ADAMTS18: variants seen among roughly 807,000 people sequenced by gnomAD.
ADAMTS18 encodes the protein A disintegrin and metalloproteinase with thrombospondin motifs 18.
Under a neutral mutation model 165.9 loss-of-function variants are expected in ADAMTS18, and 157 were observed. The ratio of observed to expected loss-of-function variants is 0.95; its 90% confidence interval spans 0.83 to 1.08. The LOEUF is 1.08. Ranked by LOEUF, ADAMTS18 falls within the 50% of genes least tolerant of loss-of-function variation. The probability of loss-of-function intolerance (pLI) is 0.00; values close to 1 mark genes in which losing one functional copy is unlikely to be tolerated. For synonymous variants in ADAMTS18, 782 were observed against 578.2 expected (o/e 1.35, Z -5.06); for missense variants, 2,040 against 1,534.0 (o/e 1.33, Z -5.51).
Position 77,295,043 on chromosome 16 carries a change from C to CT in ADAMTS18, c.2885dup (p.Pro963AlafsTer53), listed in dbSNP as rs1362340352. 1 of 1,614,198 alleles carries CT rather than the reference C, an allele frequency of 6.2e-7. No individual in the cohort carries two copies. Among genetic ancestry groups the CT allele is most frequent in the East Asian group, 2.2e-5 (1 of 44,868 alleles). ...ACACTGCTTCCTCCTTTTGGAAGGG[C>CT]TTCTTTTGCACACACTGGATCTTTC... is the stretch of plus-strand genomic sequence containing the variant. On this transcript the variant is annotated frameshift_variant, in exon 19 of 23. Transcript: ENST00000282849. LOFTEE classifies it high-confidence loss of function.
rs201737996 is a variant in ADAMTS18 at position 77,319,973 on chromosome 16, C to A, written c.2408G>T (p.Gly803Val). ...CTCCCCAGGCCAGTCGATGCTCCAG[C>A]CCCCGGTGAGGTAATACTTTTGACT... ...SLSQKYYLTG[G>V]WSIDWPGEFP... Residue 803 changes from glycine (G) to valine (V), a missense_variant, in exon 16 of 23, where the codon GGC becomes GTC. By Grantham distance (109) the Gly-to-Val change is moderately radical. Transcript: ENST00000282849. 2 of 1,614,066 alleles carry A rather than the reference C, an allele frequency of 1.2e-6. No individual in the cohort carries two copies. Among genetic ancestry groups the A allele is most frequent in the Non-Finnish European group, 1.7e-6 (2 of 1,180,042 alleles).
chr16:77,305,927 C>T (rs1004996531), intron 16 of ADAMTS18, among the ~76,000 whole-genome samples: 1 of 152,168 alleles, frequency 6.6e-6, no homozygotes, highest in Non-Finnish European at 1.5e-5. Context: ...AGAACATTTT[C>T]GGTGACCATG....
chr16:77,327,854 T>G (rs190322692), intron 12 of ADAMTS18, among the ~76,000 whole-genome samples: 10 of 152,270 alleles, frequency 6.6e-5, no homozygotes, highest in African/African-American at 2.2e-4. Flanking sequence ...ACCTATTACA[T>G]AGAACGTCAG....
chr16:77,284,166 G>T (rs2055203917), intron 22 of ADAMTS18, 95 bp from the exon 23 acceptor site: 1 of 798,340 alleles, frequency 1.3e-6, no homozygotes, highest in Non-Finnish European at 2.1e-6. Flanking sequence ...TGTTACCTAG[G>T]CTGGAGTGCA....
intron 3 of ADAMTS18, 47 bp from the exon 4 acceptor site, chr16:77,367,770 T>C (rs199647841): frequency 4.3e-6 from 7 of 1,613,380 alleles, no homozygotes; most frequent in Non-Finnish European, 5.9e-6. Context: ...CATGCATCCC[T>C]GTGCCAAGGG....
At chr16:77,314,896 C>T (rs1185236603) in intron 16 of ADAMTS18, among the ~76,000 whole-genome samples, 1 of 147,666 alleles carries the variant, frequency 6.8e-6, no homozygotes, top group Admixed American at 6.8e-5. Flanking sequence ...CATCATGGCC[C>T]TAATAATTAG....
Position 77,353,729 on chromosome 16 carries a change from A to T in ADAMTS18, c.1614+4T>A. ...TGTAAGTTTGAAATCACAAGCAAAC[A>T]TACCTTCACAAAACCAAGGCTGCAT... On this transcript the variant is annotated splice_donor_region_variant and intron_variant, in intron 10 of 22. Coordinates refer to ENST00000282849, the MANE Select transcript of ADAMTS18 (RefSeq NM_199355.4). The T allele has an allele frequency of 6.2e-7, 1 of 1,614,240 alleles. No homozygotes were observed. Among genetic ancestry groups the T allele is most frequent in the Non-Finnish European group, 8.5e-7 (1 of 1,180,030 alleles).
intron 17 of ADAMTS18, among the ~76,000 whole-genome samples, chr16:77,298,166 C>G (rs1455822357): frequency 6.6e-6 from 1 of 151,918 alleles, no homozygotes; most frequent in Admixed American, 6.6e-5. Context: ...ATTCACCGGC[C>G]TCAGCCCCCA....
intron 10 of ADAMTS18, among the ~76,000 whole-genome samples, chr16:77,342,639 C>T (rs1013602109): frequency 6.6e-6 from 1 of 152,184 alleles, no homozygotes; most frequent in South Asian, 2.1e-4. Flanking sequence ...CAATTTAACT[C>T]TCAAACCAGG....
intron 9 of ADAMTS18, among the ~76,000 whole-genome samples, chr16:77,354,546 T>C (rs1044658463): frequency 1.4e-5 from 2 of 146,504 alleles, no homozygotes; most frequent in African/African-American, 2.5e-5. Flanking sequence ...ACTTAAATAA[T>C]TAAAATGTGG....
At chr16:77,405,425 G>A (rs1267319420) in intron 3 of ADAMTS18, among the ~76,000 whole-genome samples, 15 of 152,144 alleles carry the variant, frequency 9.9e-5, no homozygotes, top group Non-Finnish European at 8.8e-5. Flanking sequence ...ATGAGCAGAT[G>A]GCCTGTAGTC....
chr16:77,325,153 G>C (rs1386044684), intron 13 of ADAMTS18, among the ~76,000 whole-genome samples: 1 of 152,102 alleles, frequency 6.6e-6, no homozygotes, highest in East Asian at 1.9e-4. Context: ...TGGGCAGTTG[G>C]GATTCACATA....
At chr16:77,302,573 C>G (rs2144597339) in intron 16 of ADAMTS18, among the ~76,000 whole-genome samples, 1 of 152,288 alleles carries the variant, frequency 6.6e-6, no homozygotes, top group East Asian at 1.9e-4. Context: ...ACTTACTCAA[C>G]TGCACTTTCT....
chr16:77,396,450 A>C (rs1220995732), intron 3 of ADAMTS18, among the ~76,000 whole-genome samples: 1 of 152,240 alleles, frequency 6.6e-6, no homozygotes, highest in African/African-American at 2.4e-5. Context: ...TCCAGATACC[A>C]TATGGGTTAT....
intron 10 of ADAMTS18, among the ~76,000 whole-genome samples, chr16:77,343,031 GCCTTCAAAAC>G (rs2056422200): frequency 6.6e-6 from 1 of 151,764 alleles, no homozygotes; most frequent in Non-Finnish European, 1.5e-5. Context: ...CTCCCCTAAG[GCCTTCAAAAC>G]CCTGCTAATG....
chr16:77,365,875 G>A (rs74025968), intron 4 of ADAMTS18, among the ~76,000 whole-genome samples: 16,856 of 152,254 alleles, frequency 0.11, 2,498 homozygotes, highest in African/African-American at 0.34. Context: ...CAGTGACGTT[G>A]AGCCTCAGTT....
intron 3 of ADAMTS18, among the ~76,000 whole-genome samples, chr16:77,400,540 G>A (rs2057317319): frequency 6.7e-6 from 1 of 150,360 alleles, no homozygotes. Context: ...GGAGCGCAGT[G>A]GTGCAATCTC....
At chr16:77,400,873 TTCTC>T (rs1471054534) in intron 3 of ADAMTS18, among the ~76,000 whole-genome samples, 1 of 152,120 alleles carries the variant, frequency 6.6e-6, no homozygotes, top group Non-Finnish European at 1.5e-5. Flanking sequence ...CCTTATCTCA[TTCTC>T]TCTGTCTGCT....
At chr16:77,367,234 A>C (rs531540424) in intron 4 of ADAMTS18, among the ~76,000 whole-genome samples, 1 of 152,336 alleles carries the variant, frequency 6.6e-6, no homozygotes, top group South Asian at 2.1e-4. Context: ...AGAGTAAAAA[A>C]GAAACCTTAT....
Sources: allele counts gnomAD v4.1 joint callset (sites outside exome capture counted in the v4.1 genomes callset), GRCh38; gene constraint gnomAD v4.1.1; transcripts MANE v1.5; gene names NCBI Gene and HGNC (gene_info 2026-07-23, HGNC 2026-07-21).